FCRL3: variants seen among roughly 807,000 people sequenced by gnomAD.
FCRL3 encodes Fc receptor-like protein 3.
A neutral mutation model predicts 75.0 loss-of-function variants in FCRL3; 89 were observed. That is an observed-to-expected ratio of 1.19 (90% confidence interval 1.00 to 1.42). The LOEUF is 1.42. FCRL3 is among the 40% of genes most tolerant of loss of function. The probability of loss-of-function intolerance (pLI) is 0.00; values close to 1 mark genes in which losing one functional copy is unlikely to be tolerated. For synonymous variants in FCRL3, 376 were observed against 348.5 expected, an observed-to-expected ratio of 1.08 and a Z score of -0.88; for missense variants, 946 against 880.0, an observed-to-expected ratio of 1.07 and a Z score of -0.95.
In FCRL3 at chr1:157,676,779, G is replaced by A. The variant is rs998790054; in HGVS notation, c.*1931C>T. On this transcript the variant is annotated 3_prime_UTR_variant, in exon 15 of 15. Transcript: ENST00000368184. ...TCTTGGGTTCAGAATCTAGAAAATGGATAAACAATGATAAGAGATGACAGG... is the reference window on the plus strand; with the variant it reads ...TCTTGGGTTCAGAATCTAGAAAATGAATAAACAATGATAAGAGATGACAGG... 6.5e-7 allele frequency: 1 copy of A among 1,549,978 alleles called. No individual in the cohort carries two copies. The highest frequency in any genetic ancestry group is 1.4e-5 in the African/African-American group (1 of 72,992).
chr1:157,700,560 G>A lies in FCRL3; in HGVS notation c.-71C>T, dbSNP rs1018844717. The A allele has an allele frequency of 6.2e-7, 1 of 1,612,368 alleles. No individual in the cohort carries two copies. Among genetic ancestry groups the A allele is most frequent in the Non-Finnish European group, 8.5e-7 (1 of 1,179,234 alleles). ...GCCCGACTTATCTCCAAGAAGGAGG[G>A]CAGGAAGCTGCTACTCAGATGAGAC... On this transcript the variant is annotated 5_prime_UTR_variant, in exon 2 of 15. Transcript: ENST00000368184.
At position 157,696,312 on chromosome 1, in the gene FCRL3, T is replaced by C. The variant is rs1476260110; in HGVS notation, c.860A>G (p.Asn287Ser). 6.2e-7 allele frequency: 1 copy of C among 1,613,916 alleles called. No homozygotes were observed. The highest frequency in any genetic ancestry group is 1.7e-5 in the Admixed American group (1 of 59,994). ...GGTGGGCCGGATCTCTAGATTCACA[T>C]TAGACACAGGGACTCCTGGGGGAAC... ...QIRVQRVPVSNVNLEIRPTGG... is the reference protein window; with the variant it reads ...QIRVQRVPVSSVNLEIRPTGG... The change falls in exon 7 of 15, where the codon AAT becomes AGT. Residue 287 changes from asparagine (N) to serine (S), a missense_variant. Asn to Ser is a conservative substitution (Grantham distance 46). Coordinates refer to ENST00000368184, the MANE Select transcript of FCRL3 (RefSeq NM_052939.4).
Position 157,680,693 on chromosome 1 carries a change from G to C in FCRL3, c.2026+9C>G, listed in dbSNP as rs186835317. 6.2e-7 allele frequency: 1 copy of C among 1,613,146 alleles called. No individual in the cohort carries two copies. The highest frequency in any genetic ancestry group is 8.5e-7 in the Non-Finnish European group (1 of 1,179,186). On this transcript the variant is annotated intron_variant, in intron 13 of 14. Coordinates refer to ENST00000368184, the MANE Select transcript of FCRL3 (RefSeq NM_052939.4). ...CACCTCACCTCTATTTGCCTGAAAG[G>C]CATCTTACCTGAGTTTTCTTTTGTA...
intron 6 of FCRL3, 117 bp downstream of exon 6, chr1:157,697,023 A>G: frequency 9.8e-7 from 1 of 1,024,440 alleles, no homozygotes; most frequent in Non-Finnish European, 1.3e-6. Flanking sequence ...AGAGAAGATT[A>G]CCAGAATAGC....
intron 13 of FCRL3, 111 bp from the exon 14 acceptor site, chr1:157,679,084 T>C: frequency 2.4e-6 from 3 of 1,230,432 alleles, no homozygotes; most frequent in Non-Finnish European, 3.6e-6. Flanking sequence ...CTTGATCTCT[T>C]GCTGTTTCCT....
chr1:157,700,012 T>G (rs1389755877), intron 2 of FCRL3, among the ~76,000 whole-genome samples: 1 of 152,214 alleles, frequency 6.6e-6, no homozygotes, highest in Non-Finnish European at 1.5e-5. Context: ...CCTCCTTTCG[T>G]TCCTTGGGCT....
At position 157,695,499 on chromosome 1, in the gene FCRL3, A is replaced by T. The variant is rs1655825214; in HGVS notation, c.1241T>A (p.Leu414Gln). The change falls in exon 8 of 15, where the codon CTG becomes CAG. Residue 414 changes from leucine (L) to glutamine (Q), a missense_variant. Coordinates refer to ENST00000368184, the MANE Select transcript of FCRL3 (RefSeq NM_052939.4). ...CESLRGSPPILYRFYHEDVTL... is the reference protein window; with the variant it reads ...CESLRGSPPIQYRFYHEDVTL... ...GACATCCTCATGATAAAATCGGTACAGGATCGGGGGAGAGCCTCTCAGGGA... is the reference window on the plus strand; with the variant it reads ...GACATCCTCATGATAAAATCGGTACTGGATCGGGGGAGAGCCTCTCAGGGA... 1.2e-6 allele frequency: 2 copies of T among 1,614,058 alleles called. No individual in the cohort carries two copies. The highest frequency in any genetic ancestry group is 2.2e-5 in the South Asian group (2 of 91,088).
intron 6 of FCRL3, 28 bp downstream of exon 6, chr1:157,697,112 C>T (rs565549337): frequency 2.2e-4 from 304 of 1,408,634 alleles, no homozygotes; most frequent in Non-Finnish European, 2.6e-4. Flanking sequence ...AGCTCTGACT[C>T]TGGAAGAGCA....
Position 157,700,581 on chromosome 1 carries a change from G to A in FCRL3, c.-92C>T. On this transcript the variant is annotated 5_prime_UTR_variant, in exon 2 of 15. Coordinates refer to ENST00000368184, the MANE Select transcript of FCRL3 (RefSeq NM_052939.4). Reference sequence around the variant, plus strand: ...GAGGGCAGGAAGCTGCTACTCAGATGAGACCTGCAAGAATCAGAAAAGGGA... The same window carrying A: ...GAGGGCAGGAAGCTGCTACTCAGATAAGACCTGCAAGAATCAGAAAAGGGA... The A allele has an allele frequency of 6.2e-7, 1 of 1,606,924 alleles. No homozygotes were observed. Among genetic ancestry groups the A allele is most frequent in the South Asian group, 1.1e-5 (1 of 90,276 alleles).
intron 13 of FCRL3, among the ~76,000 whole-genome samples, chr1:157,679,793 C>T (rs1316609811): frequency 1.6e-5 from 2 of 123,414 alleles, no homozygotes; most frequent in Non-Finnish European, 3.2e-5. Flanking sequence ...CGCACTGCTG[C>T]ACTCCAGCCT....
At position 157,680,981 on chromosome 1, in the gene FCRL3, C is replaced by A. The variant is rs140817798; in HGVS notation, c.1957G>T (p.Val653Leu). 2 of 1,577,540 alleles carry A rather than the reference C, an allele frequency of 1.3e-6. No individual in the cohort carries two copies. The highest frequency in any genetic ancestry group is 8.6e-7 in the Non-Finnish European group (1 of 1,166,226). ...CTTCTGCCCCCTAGGGAGTCCTCAC[C>A]ATTGCTGTACATTGGCTCCAGCTCC... ...PMELEPMYSN[V>L]NPGDSNPIYS... Residue 653 changes from valine (V) to leucine (L), a missense_variant and splice_region_variant, in exon 12 of 15, where the codon GTA (valine) becomes TTA (leucine). Physicochemically the swap from Val to Leu is conservative, Grantham distance 32. Transcript: ENST00000368184.
chr1:157,678,642 G>A lies in FCRL3; in HGVS notation c.*68C>T. 1.3e-6 allele frequency: 2 copies of A among 1,596,298 alleles called. No individual in the cohort carries two copies. The highest frequency in any genetic ancestry group is 1.7e-5 in the Admixed American group (1 of 59,308). On this transcript the variant is annotated 3_prime_UTR_variant, in exon 15 of 15. Coordinates refer to ENST00000368184, the MANE Select transcript of FCRL3 (RefSeq NM_052939.4). The stretch of plus-strand genomic sequence containing the variant: ...GGCAGAGTCTGGAGAGATGGATGAT[G>A]TGTGGTTGGAGAGAACAGAAAAAAA...
At chr1:157,694,756 C>T (rs1465954232) in intron 8 of FCRL3, among the ~76,000 whole-genome samples, 1 of 151,834 alleles carries the variant, frequency 6.6e-6, no homozygotes, top group Non-Finnish European at 1.5e-5. Context: ...TAAATGAGAC[C>T]CAATCAGAAG....
At chr1:157,686,050 A>G (rs1655157272) in intron 10 of FCRL3, among the ~76,000 whole-genome samples, 1 of 152,132 alleles carries the variant, frequency 6.6e-6, no homozygotes, top group African/African-American at 2.4e-5. Context: ...CACTGACTGC[A>G]TGACTCTCTA....
intron 3 of FCRL3, among the ~76,000 whole-genome samples, chr1:157,698,836 A>G (rs1291985136): frequency 6.6e-6 from 1 of 152,206 alleles, no homozygotes; most frequent in African/African-American, 2.4e-5. Flanking sequence ...GCAGAAGGGT[A>G]TTATAGGGGA....
chr1:157,698,039 A>T (rs1656070311), intron 4 of FCRL3, 120 bp from the exon 5 acceptor site: 1 of 1,172,008 alleles, frequency 8.5e-7, no homozygotes, highest in African/African-American at 1.5e-5. Context: ...CCCCACCCAC[A>T]TTGCCATGTG....
At chr1:157,684,821 A>G (rs1341864901) in intron 10 of FCRL3, among the ~76,000 whole-genome samples, 1 of 152,140 alleles carries the variant, frequency 6.6e-6, no homozygotes, top group Admixed American at 6.6e-5. Flanking sequence ...AAAACCTATC[A>G]TTCCTTTTAG....
At chr1:157,680,864 C>T in intron 12 of FCRL3, 94 bp from the exon 13 acceptor site, 2 of 1,430,716 alleles carry the variant, frequency 1.4e-6, no homozygotes, top group Non-Finnish European at 2.0e-6. Flanking sequence ...CTTCTATTCC[C>T]AGTGTAATGC....
At chr1:157,698,112 G>T in intron 4 of FCRL3, 193 bp from the exon 5 acceptor site, 1 of 751,094 alleles carries the variant, frequency 1.3e-6, no homozygotes, top group African/African-American at 1.8e-5. Flanking sequence ...AAATGTTCTT[G>T]AGAAATCTTC....
Sources: gnomAD v4.1 joint callset for allele counts (sites outside exome capture counted in the v4.1 genomes callset) on GRCh38, gnomAD v4.1.1 for gene constraint, MANE v1.5 for transcripts, NCBI Gene and HGNC (gene_info 2026-07-23, HGNC 2026-07-21) for gene names.